The following ECE1 variants were observed in gnomAD, a reference collection of about 807,000 sequenced individuals.
ECE1 encodes the protein endothelin converting enzyme 1.
Under a neutral mutation model 98.6 loss-of-function variants are expected in ECE1, and 35 were observed. The observed-to-expected ratio is 0.35, with a 90% CI of 0.27 to 0.47. The LOEUF is 0.47. Ranked by LOEUF, ECE1 falls within the 20% of genes least tolerant of loss-of-function variation. The pLI, the probability that ECE1 is intolerant of heterozygous loss-of-function variation, is 1.00. For missense variants in ECE1, 814 were observed against 1,025.3 expected (o/e 0.79, Z 2.81); for synonymous variants, 394 against 407.1 (o/e 0.97, Z 0.39).
chr1:21,286,456 T>C (rs534203104), intron 2 of ECE1, among the ~76,000 whole-genome samples: 68 of 152,220 alleles, frequency 4.5e-4, no homozygotes, highest in Non-Finnish European at 8.7e-4. Context: ...AGAGGTGGGC[T>C]AATAATATTA....
chr1:21,327,575 T>C lies in ECE1; in HGVS notation c.3+17801A>G, dbSNP rs1323006575. 6.6e-6 allele frequency among the ~76,000 whole-genome samples: 1 copy of C among 152,144 alleles called. No individual in the cohort carries two copies. The highest frequency in any genetic ancestry group is 1.5e-5 in the Non-Finnish European group (1 of 68,022). On this transcript the variant is annotated intron_variant, in intron 1 of 18. Transcript: ENST00000415912. This position sits in a 1 kb window ranked among gnomAD's most constrained non-coding sequence, Gnocchi z 4.6. ...AGACCTCCACCCTGCTTGTTACACA[T>C]TTTTGCCTTTTCTTACTTTGAGGGC...
chr1:21,330,793 C>T (rs1014938749), intron 1 of ECE1, among the ~76,000 whole-genome samples: 1 of 152,164 alleles, frequency 6.6e-6, no homozygotes, highest in African/African-American at 2.4e-5. Flanking sequence ...CACCCCCTTC[C>T]TTGAAGGTCC....
intron 1 of ECE1, among the ~76,000 whole-genome samples, chr1:21,304,490 C>T (rs995863825): frequency 4.6e-5 from 7 of 151,986 alleles, no homozygotes; most frequent in African/African-American, 1.7e-4. Flanking sequence ...GGGTGAGCTG[C>T]CAATTTTCAT....
chr1:21,342,923 G>C (rs1475526646), intron 1 of ECE1, among the ~76,000 whole-genome samples: 1 of 152,184 alleles, frequency 6.6e-6, no homozygotes, highest in African/African-American at 2.4e-5. Flanking sequence ...CCTCAGCCTA[G>C]TACTTTCTGG....
chr1:21,324,421 C>T (rs1239125547), intron 1 of ECE1, among the ~76,000 whole-genome samples: 1 of 152,236 alleles, frequency 6.6e-6, no homozygotes. Context: ...GCCCAGTGTG[C>T]TTCTGTCCAG....
intron 1 of ECE1, among the ~76,000 whole-genome samples, chr1:21,311,220 C>T (rs375292235): frequency 3.9e-5 from 6 of 152,166 alleles, no homozygotes; most frequent in African/African-American, 1.4e-4. Flanking sequence ...GCTGCCCACA[C>T]CACAGGGCCT....
intron 3 of ECE1, among the ~76,000 whole-genome samples, chr1:21,275,134 CAGG>C (rs1263728199): frequency 6.6e-6 from 1 of 152,182 alleles, no homozygotes; most frequent in Non-Finnish European, 1.5e-5. Context: ...TGGAGATGCC[CAGG>C]AGACAGGCTG....
At chr1:21,276,462 G>C (rs2098247327) in intron 3 of ECE1, among the ~76,000 whole-genome samples, 1 of 152,180 alleles carries the variant, frequency 6.6e-6, no homozygotes, top group Non-Finnish European at 1.5e-5. Flanking sequence ...ACAGATCCTA[G>C]ATTTAATTTA....
chr1:21,306,325 G>GTTTTTTT (rs1267224328), intron 1 of ECE1, among the ~76,000 whole-genome samples: 1 of 145,528 alleles, frequency 6.9e-6, no homozygotes, highest in African/African-American at 2.8e-5. Context: ...TATGTTAAGT[G>GTTTTTTT]TTTTTTTGTT....
chr1:21,333,414 T>C (rs1639245766), intron 1 of ECE1, among the ~76,000 whole-genome samples: 1 of 152,054 alleles, frequency 6.6e-6, no homozygotes, highest in African/African-American at 2.4e-5. Flanking sequence ...ATAAAATAAG[T>C]AGCAGAGAGA....
chr1:21,287,480 C>T (rs1417720319), intron 2 of ECE1, among the ~76,000 whole-genome samples: 2 of 151,726 alleles, frequency 1.3e-5, no homozygotes, highest in Non-Finnish European at 2.9e-5. Flanking sequence ...GAGCTGAGAT[C>T]GCGCCACTGC....
chr1:21,292,273 T>A (rs1239762675), upstream of ECE1, among the ~76,000 whole-genome samples: 4 of 152,298 alleles, frequency 2.6e-5, no homozygotes, highest in African/African-American at 9.6e-5. Flanking sequence ...CTGCCCACTC[T>A]GGGCCCTCAT....
At chr1:21,324,953 A>G (rs976581511) in intron 1 of ECE1, among the ~76,000 whole-genome samples, 3 of 152,204 alleles carry the variant, frequency 2.0e-5, no homozygotes, top group South Asian at 2.1e-4. Context: ...ACAAATCACG[A>G]AAGAAGGAGA....
At chr1:21,282,997 A>G (rs1166218820) in intron 2 of ECE1, among the ~76,000 whole-genome samples, 2 of 134,978 alleles carry the variant, frequency 1.5e-5, no homozygotes, top group Non-Finnish European at 3.0e-5. Context: ...GCTGGAGTGC[A>G]GTGCCGCCAT....
At chr1:21,262,900 C>T (rs531342241) in intron 4 of ECE1, among the ~76,000 whole-genome samples, 25 of 152,290 alleles carry the variant, frequency 1.6e-4, no homozygotes, top group South Asian at 8.3e-4. Flanking sequence ...ACCGCCAGGC[C>T]GGGTGTGGGG....
Position 21,287,170 on chromosome 1 carries a change from T to A in ECE1, c.138+2900A>T, listed in dbSNP as rs186978970. The stretch of plus-strand genomic sequence containing the variant: ...AAATCTTGAAAAATCAAATAGCTTA[T>A]TTTTTAGCTGTCCATCAAGAGAAAA... On this transcript the variant is annotated intron_variant, in intron 2 of 18. Coordinates refer to ENST00000374893, the MANE Select transcript of ECE1 (RefSeq NM_001397.3). 3.4e-3 allele frequency among the ~76,000 whole-genome samples: 519 copies of A among 152,312 alleles called. 1 individual carries two copies. The highest frequency in any genetic ancestry group is 6.0e-3 in the South Asian group (29 of 4,826).
chr1:21,320,569 C>T (rs1046268510), intron 1 of ECE1, among the ~76,000 whole-genome samples: 2 of 152,158 alleles, frequency 1.3e-5, no homozygotes, highest in African/African-American at 2.4e-5. Flanking sequence ...CGCAGCAACC[C>T]CAGGAGATAT....
chr1:21,303,774 G>A lies in ECE1; in HGVS notation c.4-13618C>T, dbSNP rs116414501. Among the ~76,000 whole-genome samples, 899 of 152,066 alleles carry A rather than the reference G, an allele frequency of 5.9e-3. 9 individuals are homozygous for A. The highest frequency in any genetic ancestry group is 0.021 in the African/African-American group (863 of 41,520). On this transcript the variant is annotated intron_variant, in intron 1 of 18. Transcript: ENST00000415912. ...AGCAATGCTCCTGCCTCAGCCTTCC[G>A]AGTAGCTGGGACTAGGAGGCATGCG... is the stretch of plus-strand genomic sequence containing the variant.
chr1:21,333,628 T>C (rs995506826), intron 1 of ECE1, among the ~76,000 whole-genome samples: 11 of 151,984 alleles, frequency 7.2e-5, no homozygotes, highest in African/African-American at 2.7e-4. Context: ...AGGTCAGGAG[T>C]TCGAGACCAG....
Sources: allele counts gnomAD v4.1 joint callset (sites outside exome capture counted in the v4.1 genomes callset), GRCh38; gene constraint gnomAD v4.1.1; non-coding constraint Gnocchi (gnomAD v3.1); transcripts MANE v1.5; gene names NCBI Gene and HGNC (gene_info 2026-07-23, HGNC 2026-07-21).